Variants in SGSH observed in about 807,000 individuals in gnomAD.
SGSH encodes the protein N-sulfoglucosamine sulfohydrolase, also known as heparan sulfate sulfatase.
Under a neutral mutation model 51.0 loss-of-function variants are expected in SGSH, and 48 were observed. That is an observed-to-expected ratio of 0.94 (90% CI 0.75 to 1.20). The LOEUF is 1.20. Among genes scored for constraint, SGSH ranks in the 50% most tolerant of loss-of-function variants. The probability of loss-of-function intolerance (pLI) is 0.00; values close to 1 mark genes in which losing one functional copy is unlikely to be tolerated. For missense variants in SGSH, 662 were observed against 717.8 expected, an observed-to-expected ratio of 0.92 and a Z score of 0.89; for synonymous variants, 321 against 313.4, an observed-to-expected ratio of 1.02 and a Z score of -0.26.
Position 80,220,225 on chromosome 17 carries a change from C to A in SGSH, c.88+1G>T. 1 of 1,518,816 alleles carries A rather than the reference C, an allele frequency of 6.6e-7. No individual in the cohort carries two copies. The highest frequency in any genetic ancestry group is 1.2e-5 in the South Asian group (1 of 82,354). 94.1% of individuals were successfully genotyped at this position (1,518,816 alleles called of 1,614,324 possible). On this transcript the variant is annotated splice_donor_variant, in intron 1 of 7. Transcript: ENST00000326317. LOFTEE classifies it high-confidence loss of function. ...CGTGGGGGGGCGGCGCCGGCACTCACCGAGGAGCAGCAGTGCGTTCCGGGG... is the reference window on the plus strand; with the variant it reads ...CGTGGGGGGGCGGCGCCGGCACTCAACGAGGAGCAGCAGTGCGTTCCGGGG...
downstream of SGSH, among the ~76,000 whole-genome samples, chr17:80,207,319 G>A (rs1280506350): frequency 2.0e-5 from 3 of 152,248 alleles, 1 homozygote; most frequent in Non-Finnish European, 4.4e-5. Flanking sequence ...GGGAGGCCAG[G>A]GTGGGCAGAT....
downstream of SGSH, chr17:80,201,857 G>A (rs1003870135): frequency 1.9e-6 from 3 of 1,613,422 alleles, no homozygotes; most frequent in Non-Finnish European, 2.5e-6. The surrounding 1 kb of genome is among the most constrained non-coding windows in gnomAD (Gnocchi z 5.0). Context: ...TGTCTGTGAA[G>A]GTCAACACGG....
the SGSH span, chr17:80,200,887 G>C: frequency 3.3e-5 from 5 of 152,290 alleles, no homozygotes; most frequent in African/African-American, 7.2e-5. Flanking sequence ...CACAGTTCAC[G>C]ATAGGGCTCA....
intron 1 of SGSH, among the ~76,000 whole-genome samples, chr17:80,219,161 CAAAAAA>C (rs11430982): frequency 8.7e-3 from 473 of 54,194 alleles, no homozygotes; most frequent in South Asian, 0.035. Context: ...CCCTGTCTCA[CAAAAAA>C]AAAAAAAAAA....
Position 80,209,482 on chromosome 17 carries a change from T to TGGAG in SGSH, c.*966_*969dup, listed in dbSNP as rs2041536647. The TGGAG allele has an allele frequency of 1.0e-6, 1 of 985,098 alleles. No individual in the cohort carries two copies. Among genetic ancestry groups the TGGAG allele is most frequent in the Non-Finnish European group, 1.2e-6 (1 of 830,038 alleles). 61.0% of individuals were successfully genotyped at this position (985,098 alleles called of 1,614,324 possible). On this transcript the variant is annotated 3_prime_UTR_variant, in exon 8 of 8. Coordinates refer to ENST00000326317, the MANE Select transcript of SGSH (RefSeq NM_000199.5). Reference sequence around the variant, plus strand: ...GCCGGGCTTCTGCTCCCGAGGTGGGTGGAGGCAGGGCAGGAACGGCACATT... The same window carrying TGGAG: ...GCCGGGCTTCTGCTCCCGAGGTGGGTGGAGGGAGGCAGGGCAGGAACGGCACATT...
chr17:80,219,068 G>A (rs948849167), intron 1 of SGSH, among the ~76,000 whole-genome samples: 3 of 147,634 alleles, frequency 2.0e-5, no homozygotes, highest in African/African-American at 7.5e-5. Flanking sequence ...GCTGAGGCAG[G>A]AGGATCGCTT....
Position 80,210,602 on chromosome 17 carries a change from G to C in SGSH, c.1359C>G (p.Thr453=). 1 of 1,613,540 alleles carries C rather than the reference G, an allele frequency of 6.2e-7. No homozygotes were observed. Among genetic ancestry groups the C allele is most frequent in the Non-Finnish European group, 8.5e-7 (1 of 1,179,922 alleles). Residue 453 remains threonine, a synonymous_variant, in exon 8 of 8, where the codon ACC becomes ACG. Transcript: ENST00000326317. ...CCAGAAGCTGAGCAAAGCGCGGGTC[G>C]GTGGCCAGGTTCTGGGTCTCGTGGG... The part of the protein sequence containing the change: ...RDPHETQNLA[T]DPRFAQLLEM...
chr17:80,205,817 G>C, downstream of SGSH: 1 of 614,662 alleles, frequency 1.6e-6, no homozygotes, highest in Non-Finnish European at 2.7e-6. Context: ...ACTCATCTCA[G>C]CCAGTTAGGA....
downstream of SGSH, chr17:80,205,240 C>T (rs367744677): frequency 1.3e-6 from 2 of 1,561,224 alleles, no homozygotes; most frequent in Non-Finnish European, 1.7e-6. Context: ...CTACCCCTTC[C>T]ACCTTCCCTC....
At chr17:80,214,922 G>C (rs923985941) in intron 3 of SGSH, 111 bp downstream of exon 3, 2 of 1,295,832 alleles carry the variant, frequency 1.5e-6, no homozygotes, top group African/African-American at 2.9e-5. Context: ...CAAGAGCTAA[G>C]GGCAGGCCAC....
rs111663478 is a variant in SGSH, at chr17:80,213,981, A to G, written c.664-96T>C. On this transcript the variant is annotated intron_variant, in intron 5 of 7. Transcript: ENST00000326317. The surrounding 1 kb of genome is among the most constrained non-coding windows in gnomAD (Gnocchi z 4.6). ...GGGCCTCCTGCAAATGGGTTAGCCC[A>G]GAACAGCCTCACTCCGGACCACCCC... 1,217 of 1,357,378 alleles carry G rather than the reference A, an allele frequency of 9.0e-4. No homozygotes were observed. The highest frequency in any genetic ancestry group is 1.4e-3 in the Admixed American group (71 of 50,836). 84.1% of individuals were successfully genotyped at this position (1,357,378 alleles called of 1,614,324 possible).
At chr17:80,202,245 C>T (rs117918077), downstream of SGSH, 22,721 of 1,614,026 alleles carry the variant, frequency 0.014, 213 homozygotes, top group Middle Eastern at 0.041. Context: ...ATTCTACATC[C>T]GGGTCAACCT....
chr17:80,202,032 T>A, downstream of SGSH: 1 of 1,224,284 alleles, frequency 8.2e-7, no homozygotes, highest in Non-Finnish European at 1.1e-6. Flanking sequence ...CCAAGCCAGC[T>A]GGAAACCTCC....
At position 80,217,069 on chromosome 17, in the gene SGSH, G is replaced by C; in HGVS notation, c.212C>G (p.Ser71Cys). The C allele has an allele frequency of 1.3e-6, 2 of 1,595,000 alleles. No homozygotes were observed. Among genetic ancestry groups the C allele is most frequent in the Non-Finnish European group, 1.7e-6 (2 of 1,173,010 alleles). ...RNAFTSVSSC[S>C]PSRASLLTGL... ...AGTGAGGAGGCTGGCGCGGCTGGGA[G>C]AGCAGCTGCTGACCGAGGTGAAGGC... The change falls in exon 2 of 8, where the codon TCT becomes TGT. Residue 71 changes from serine to cysteine, a missense_variant. By Grantham distance (112) the Ser-to-Cys change is moderately radical. Transcript: ENST00000326317.
At chr17:80,201,652 G>A in the SGSH span, 172 of 1,391,470 alleles carry the variant, frequency 1.2e-4, 1 homozygote, top group South Asian at 4.3e-4. The surrounding 1 kb of genome is among the most constrained non-coding windows in gnomAD (Gnocchi z 5.0). Context: ...GGGCTGGCCC[G>A]CGCCTCGCCT....
chr17:80,219,377 C>T (rs1447899114), intron 1 of SGSH, among the ~76,000 whole-genome samples: 2 of 152,144 alleles, frequency 1.3e-5, no homozygotes, highest in African/African-American at 4.8e-5. Flanking sequence ...TTAAGCCGAT[C>T]CATGGCAGTC....
rs886321925 is a variant in SGSH at position 80,210,918 on chromosome 17, A to G, written c.1043T>C (p.Leu348Pro). 1 of 1,609,664 alleles carries G rather than the reference A, an allele frequency of 6.2e-7. No homozygotes were observed. Among genetic ancestry groups the G allele is most frequent in the Non-Finnish European group, 8.5e-7 (1 of 1,179,952 alleles). ...SKTIHLTGRS[L>P]LPALEAEPLW... ...GGGCTCGGCCTCCAGCGCCGGCAGGAGGGACCGGCCAGTGAGGTGGATGGT... is the reference window on the plus strand; with the variant it reads ...GGGCTCGGCCTCCAGCGCCGGCAGGGGGGACCGGCCAGTGAGGTGGATGGT... Residue 348 changes from leucine to proline, a missense_variant, in exon 8 of 8, where the codon CTC becomes CCC. Transcript: ENST00000326317.
At chr17:80,207,666 G>A (rs1448101652), downstream of SGSH, 2 of 160,130 alleles carry the variant, frequency 1.2e-5, no homozygotes, top group African/African-American at 4.8e-5. Context: ...CTTTTACAGT[G>A]GGCAAAAGTA....
At chr17:80,205,346 A>G (rs2041239536), downstream of SGSH, 1 of 1,145,752 alleles carries the variant, frequency 8.7e-7, no homozygotes, top group Non-Finnish European at 1.2e-6. Flanking sequence ...CTGTGTCCAG[A>G]TAGTTCAGGA....
Sources: gnomAD v4.1 joint callset for allele counts (sites outside exome capture counted in the v4.1 genomes callset) on GRCh38, gnomAD v4.1.1 for gene constraint, Gnocchi (gnomAD v3.1) non-coding constraint, MANE v1.5 for transcripts, NCBI Gene and HGNC (gene_info 2026-07-23, HGNC 2026-07-21) for gene names.